Variants in AGBL4 observed in about 807,000 individuals in gnomAD.
The protein encoded by AGBL4 is AGBL carboxypeptidase 4.
In AGBL4, 58 loss-of-function variants were observed where a neutral mutation model predicts 66.4. The observed-to-expected ratio is 0.87, with a 90% CI of 0.71 to 1.09. The LOEUF is 1.09. AGBL4 is among the 50% of genes least tolerant of loss of function. The pLI is 0.00. For synonymous variants in AGBL4, 234 were observed against 222.9 expected (o/e 1.05, Z -0.44); for missense variants, 579 against 631.0 (o/e 0.92, Z 0.88).
chr1:48,855,322 T>C (rs983340556), intron 6 of AGBL4, among the ~76,000 whole-genome samples: 4 of 152,210 alleles, frequency 2.6e-5, no homozygotes, highest in Admixed American at 2.0e-4. Flanking sequence ...ACGGCATCTT[T>C]CATAGATTTC....
At chr1:48,647,652 G>A (rs564853124) in intron 8 of AGBL4, 323 of 435,982 alleles carry the variant, frequency 7.4e-4, no homozygotes, top group Non-Finnish European at 1.1e-3. Context: ...ATTGTTGTAC[G>A]GAGATGGAAA....
At chr1:49,040,028 T>G (rs1199894874) in intron 5 of AGBL4, among the ~76,000 whole-genome samples, 2 of 152,014 alleles carry the variant, frequency 1.3e-5, no homozygotes, top group African/African-American at 2.4e-5. Context: ...AAAGATAGAT[T>G]AAGAGAATGA....
At chr1:48,568,929 T>C (rs937667576) in intron 11 of AGBL4, among the ~76,000 whole-genome samples, 3 of 152,220 alleles carry the variant, frequency 2.0e-5, no homozygotes, top group African/African-American at 7.2e-5. Context: ...GACTCATTAC[T>C]GGGTCCTCAG....
chr1:49,371,851 G>GTT (rs1201579670), intron 3 of AGBL4, among the ~76,000 whole-genome samples: 4 of 150,498 alleles, frequency 2.7e-5, no homozygotes, highest in African/African-American at 9.8e-5. Flanking sequence ...GTGTGTGTGT[G>GTT]TGTGTGTGTG....
At chr1:49,368,794 G>T (rs1381181941) in intron 3 of AGBL4, among the ~76,000 whole-genome samples, 2 of 152,282 alleles carry the variant, frequency 1.3e-5, no homozygotes, top group African/African-American at 2.4e-5. Flanking sequence ...ATTGAGGCTG[G>T]CCGGGTGTGG....
At chr1:49,907,083 G>T (rs1010523875) in intron 1 of AGBL4, among the ~76,000 whole-genome samples, 1 of 152,020 alleles carries the variant, frequency 6.6e-6, no homozygotes, top group African/African-American at 2.4e-5. Flanking sequence ...CTAAGTTGTA[G>T]CAAAACAATC....
intron 2 of AGBL4, among the ~76,000 whole-genome samples, chr1:49,742,709 G>C (rs1210440951): frequency 1.3e-5 from 2 of 152,116 alleles, no homozygotes; most frequent in African/African-American, 4.8e-5. Flanking sequence ...CAGAGATACA[G>C]ACCAATGGAA....
chr1:49,349,586 C>A (rs1388881306), intron 3 of AGBL4, among the ~76,000 whole-genome samples: 3 of 152,098 alleles, frequency 2.0e-5, no homozygotes, highest in Non-Finnish European at 4.4e-5. Flanking sequence ...CACTATGTAC[C>A]TCTTCTTTGT....
chr1:48,699,023 T>C (rs1285689394), intron 6 of AGBL4, among the ~76,000 whole-genome samples: 3 of 152,232 alleles, frequency 2.0e-5, no homozygotes, highest in Non-Finnish European at 2.9e-5. Flanking sequence ...TATATTTCTC[T>C]AGCTGCATCT....
intron 2 of AGBL4, among the ~76,000 whole-genome samples, chr1:49,828,986 G>A (rs1308799608): frequency 1.3e-5 from 2 of 151,736 alleles, no homozygotes; most frequent in African/African-American, 2.4e-5. Flanking sequence ...GGAGAATGGC[G>A]TGAACCCGGG....
At chr1:49,092,171 C>T (rs888010041) in intron 4 of AGBL4, among the ~76,000 whole-genome samples, 8 of 152,098 alleles carry the variant, frequency 5.3e-5, no homozygotes, top group African/African-American at 1.2e-4. Context: ...ACCCCTGCAA[C>T]TATAATAAAA....
intron 2 of AGBL4, among the ~76,000 whole-genome samples, chr1:49,720,475 A>G (rs911815634): frequency 7.9e-5 from 12 of 152,168 alleles, no homozygotes; most frequent in African/African-American, 2.9e-4. Flanking sequence ...ATGTTCATTG[A>G]GCACTTGCTA....
intron 4 of AGBL4, among the ~76,000 whole-genome samples, chr1:49,080,723 T>G (rs1257036480): frequency 6.6e-6 from 1 of 152,212 alleles, no homozygotes; most frequent in Non-Finnish European, 1.5e-5. Flanking sequence ...CATTTCTTTG[T>G]CTAAATTGCC....
chr1:49,946,714 A>G (rs1457942263), intron 1 of AGBL4, among the ~76,000 whole-genome samples: 1 of 151,944 alleles, frequency 6.6e-6, no homozygotes, highest in East Asian at 1.9e-4. Context: ...TCAGAGCAGA[A>G]CTAAATAAAA....
intron 2 of AGBL4, among the ~76,000 whole-genome samples, chr1:49,825,922 A>T (rs1645497791): frequency 6.6e-6 from 1 of 152,062 alleles, no homozygotes; most frequent in African/African-American, 2.4e-5. Flanking sequence ...ATACTAAAGA[A>T]CTCAAACAAG....
At chr1:49,438,438 G>C (rs1342255842) in intron 3 of AGBL4, among the ~76,000 whole-genome samples, 1 of 152,178 alleles carries the variant, frequency 6.6e-6, no homozygotes, top group African/African-American at 2.4e-5. Flanking sequence ...GCAGGAAACA[G>C]TTAGCCCTTG....
In AGBL4 at chr1:49,851,445, A is replaced by G; in HGVS notation, c.108T>C (p.Cys36=). ...SKYIVLPTGY[C]GQPKKGHLIF... Reference sequence around the variant, plus strand: ...TAAGATGTCCTTTCTTGGGCTGTCCACAATAGCCAGTTGGAAGCACTATAT... The same window carrying G: ...TAAGATGTCCTTTCTTGGGCTGTCCGCAATAGCCAGTTGGAAGCACTATAT... Residue 36 remains cysteine (C), a synonymous_variant, in exon 2 of 14, where the codon TGT becomes TGC. Transcript: ENST00000371839. 1.9e-6 allele frequency: 3 copies of G among 1,550,772 alleles called. No individual in the cohort carries two copies. The highest frequency in any genetic ancestry group is 2.6e-6 in the Non-Finnish European group (3 of 1,146,392).
chr1:49,097,745 T>C, intron 4 of AGBL4, among the ~76,000 whole-genome samples: 1 of 152,214 alleles, frequency 6.6e-6, no homozygotes, highest in East Asian at 1.9e-4. Context: ...CACATCTGGC[T>C]AATTTTTGTG....
intron 3 of AGBL4, among the ~76,000 whole-genome samples, chr1:49,334,393 G>A (rs1295146549): frequency 2.0e-5 from 3 of 152,012 alleles, no homozygotes; most frequent in Non-Finnish European, 4.4e-5. Flanking sequence ...ATATTCATAC[G>A]CATTGACTCA....
Sources: gnomAD v4.1 joint callset for allele counts (sites outside exome capture counted in the v4.1 genomes callset) on GRCh38, gnomAD v4.1.1 for gene constraint, MANE v1.5 for transcripts, NCBI Gene and HGNC (gene_info 2026-07-23, HGNC 2026-07-21) for gene names.